ATF1: variants seen among roughly 807,000 people sequenced by gnomAD.
The protein encoded by ATF1 is cyclic AMP-dependent transcription factor ATF-1.
Under a neutral mutation model 34.7 loss-of-function variants are expected in ATF1, and 16 were observed. The observed-to-expected ratio is 0.46, with a 90% CI of 0.31 to 0.70. ATF1 has a LOEUF of 0.70. ATF1 is among the 30% of genes least tolerant of loss of function. The probability of loss-of-function intolerance (pLI) is 0.05; values close to 1 mark genes in which losing one functional copy is unlikely to be tolerated. For missense variants in ATF1, 255 were observed against 321.6 expected (o/e 0.79, Z 1.58); for synonymous variants, 105 against 113.1 (o/e 0.93, Z 0.46).
At chr12:50,813,984 T>C (rs1941789041) in intron 4 of ATF1, 26 bp from the exon 5 acceptor site, 3 of 1,597,602 alleles carry the variant, frequency 1.9e-6, no homozygotes, top group Admixed American at 1.7e-5. Context: ...AACCTTACAA[T>C]AGCTATTTTC....
rs369666964 is a variant in ATF1, at chr12:50,795,770, CCTTT to C, written c.94-134_94-131del. On this transcript the variant is annotated intron_variant, in intron 2 of 6. Coordinates refer to ENST00000262053, the MANE Select transcript of ATF1 (RefSeq NM_005171.5). ...TCTCATTTTTCCTTTTCCTTTTGTT[CCTTT>C]CTTTTAGACTTTAGATTTAATGTAC... The C allele has an allele frequency of 1.3e-3, 884 of 693,792 alleles. 22 individuals carry two copies. The South Asian group carries it at 0.016, about 13-fold the overall frequency. 43.0% of individuals were successfully genotyped at this position (693,792 alleles called of 1,614,324 possible). A position where few individuals can be genotyped will look rare whatever the true frequency, so the allele number is the denominator to read the frequency against.
At chr12:50,770,320 A>G (rs1565898019) in intron 1 of ATF1, among the ~76,000 whole-genome samples, 1 of 152,200 alleles carries the variant, frequency 6.6e-6, no homozygotes, top group Non-Finnish European at 1.5e-5. Flanking sequence ...TGTAGAGCCA[A>G]TAAAAGCCCT....
At position 50,767,236 on chromosome 12, in the gene ATF1, A is replaced by G. The variant is rs575020954; in HGVS notation, c.-7+2929A>G. On this transcript the variant is annotated intron_variant, in intron 1 of 6. Transcript: ENST00000262053. ...GTGAATGGTTAAAAAAAAAAAAATC[A>G]GCCTGGCACGGTGGCTCAGGCCTGT... Among the ~76,000 whole-genome samples, 131 of 150,746 alleles carry G rather than the reference A, an allele frequency of 8.7e-4. 2 individuals carry two copies. Among genetic ancestry groups the G allele is most frequent in the African/African-American group, 3.1e-3 (128 of 41,136 alleles).
chr12:50,819,531 T>TACACACAGA lies in ATF1; in HGVS notation c.672-104_672-103insACACACAGA, dbSNP rs1941906433. ...TGTATTCTCTGTGTGTAGATGATAC[T>TACACACAGA]TTAAAGAGAAAAAAAGGTGACCACG... On this transcript the variant is annotated intron_variant, in intron 6 of 6. Transcript: ENST00000262053. 3 of 1,332,500 alleles carry TACACACAGA rather than the reference T, an allele frequency of 2.3e-6. No homozygotes were observed. The African/African-American group carries it at 4.5e-5, about 20-fold the overall frequency. 82.5% of individuals were successfully genotyped at this position (1,332,500 alleles called of 1,614,324 possible). A position where few individuals can be genotyped will look rare whatever the true frequency, so the allele number is the denominator to read the frequency against.
chr12:50,778,649 G>A (rs564939472), intron 1 of ATF1, among the ~76,000 whole-genome samples: 1 of 150,254 alleles, frequency 6.7e-6, no homozygotes, highest in African/African-American at 2.4e-5. Flanking sequence ...GAGTGCAGTG[G>A]CACAATCCAC....
chr12:50,770,120 C>T (rs1202038716), intron 1 of ATF1, among the ~76,000 whole-genome samples: 1 of 152,142 alleles, frequency 6.6e-6, no homozygotes, highest in East Asian at 1.9e-4. Context: ...ATATTTGTTT[C>T]TCTATATCAG....
At chr12:50,808,141 A>G (rs1941655804) in intron 3 of ATF1, among the ~76,000 whole-genome samples, 1 of 152,128 alleles carries the variant, frequency 6.6e-6, no homozygotes, top group African/African-American at 2.4e-5. Flanking sequence ...TCTTTTCAGC[A>G]AGGAATACTT....
intron 1 of ATF1, among the ~76,000 whole-genome samples, chr12:50,765,612 G>T (rs1940614242): frequency 6.6e-6 from 1 of 152,196 alleles, no homozygotes; most frequent in African/African-American, 2.4e-5. Flanking sequence ...AAATGAGGCT[G>T]AAACCTACTG....
At chr12:50,799,464 A>G (rs1202543999) in intron 3 of ATF1, among the ~76,000 whole-genome samples, 1 of 152,200 alleles carries the variant, frequency 6.6e-6, no homozygotes, top group Non-Finnish European at 1.5e-5. Flanking sequence ...ATAATATTCA[A>G]AGAGTCCAAA....
intron 3 of ATF1, among the ~76,000 whole-genome samples, chr12:50,808,808 C>T (rs1217330196): frequency 4.0e-5 from 6 of 150,234 alleles, no homozygotes; most frequent in African/African-American, 7.3e-5. Flanking sequence ...GGCGCGACCT[C>T]GACTCACTGC....
chr12:50,812,360 C>T (rs1204074040), intron 4 of ATF1, among the ~76,000 whole-genome samples: 1 of 151,528 alleles, frequency 6.6e-6, no homozygotes, highest in Non-Finnish European at 1.5e-5. Flanking sequence ...AGGATGTGCA[C>T]CAAAAACAAT....
chr12:50,786,154 T>C (rs1941181492), intron 2 of ATF1, among the ~76,000 whole-genome samples: 1 of 152,160 alleles, frequency 6.6e-6, no homozygotes, highest in South Asian at 2.1e-4. Context: ...AGACTAGAAA[T>C]CTAAATTTAG....
chr12:50,780,076 C>T (rs1312987468), intron 1 of ATF1, 64 bp from the exon 2 acceptor site: 1 of 1,247,606 alleles, frequency 8.0e-7, no homozygotes, highest in Non-Finnish European at 1.1e-6. Flanking sequence ...TTATATGATT[C>T]TATAGTATAC....
chr12:50,795,496 C>T (rs1278443552), intron 2 of ATF1, among the ~76,000 whole-genome samples: 3 of 152,176 alleles, frequency 2.0e-5, no homozygotes, highest in East Asian at 1.9e-4. Flanking sequence ...ATTTAATATT[C>T]GTCTCAATGT....
chr12:50,767,439 G>T (rs1038974599), intron 1 of ATF1, among the ~76,000 whole-genome samples: 10 of 152,182 alleles, frequency 6.6e-5, no homozygotes, highest in African/African-American at 2.4e-4. Flanking sequence ...ATAATCACTT[G>T]AACCCGGGAG....
chr12:50,794,112 G>A (rs1032647645), intron 2 of ATF1, among the ~76,000 whole-genome samples: 40 of 151,538 alleles, frequency 2.6e-4, no homozygotes, highest in African/African-American at 9.4e-4. Flanking sequence ...CACCAGGCCC[G>A]GCTAATTTTT....
chr12:50,785,809 G>A (rs769740892), intron 2 of ATF1, among the ~76,000 whole-genome samples: 6 of 152,148 alleles, frequency 3.9e-5, no homozygotes, highest in Non-Finnish European at 5.9e-5. Context: ...GATCCTCTCC[G>A]TATGCAGTTC....
At chr12:50,794,927 A>G (rs1477485018) in intron 2 of ATF1, among the ~76,000 whole-genome samples, 8 of 152,146 alleles carry the variant, frequency 5.3e-5, no homozygotes, top group Admixed American at 5.2e-4. Flanking sequence ...TCAAAAATAA[A>G]AAAATTAAAA....
intron 2 of ATF1, 81 bp downstream of exon 2, chr12:50,780,319 A>G: frequency 1.6e-6 from 2 of 1,277,978 alleles, no homozygotes; most frequent in Non-Finnish European, 2.2e-6. Context: ...ACTGATTATT[A>G]ATGTGTTTTA....
Sources: gnomAD v4.1 joint callset for allele counts (sites outside exome capture counted in the v4.1 genomes callset) on GRCh38, gnomAD v4.1.1 for gene constraint, MANE v1.5 for transcripts, NCBI Gene and HGNC (gene_info 2026-07-23, HGNC 2026-07-21) for gene names.